Variants in DNAJC6 observed in about 807,000 individuals in gnomAD.
DNAJC6 encodes the protein auxilin.
DNAJC6 carries 34 observed loss-of-function variants against 110.0 expected under a neutral mutation model. That is an observed-to-expected ratio of 0.31 (90% confidence interval 0.24 to 0.41). The LOEUF is 0.41. DNAJC6 is among the 10% of genes least tolerant of loss of function. DNAJC6 has a pLI of 1.00. For synonymous variants in DNAJC6, 406 were observed against 437.2 expected (o/e 0.93, Z 0.89); for missense variants, 1,031 against 1,207.8 (o/e 0.85, Z 2.17).
chr1:65,290,230 T>C (rs546846541), intron 1 of DNAJC6, among the ~76,000 whole-genome samples: 1 of 152,348 alleles, frequency 6.6e-6, no homozygotes, highest in East Asian at 1.9e-4. Flanking sequence ...TTTTTTGTAC[T>C]GATTTGTAGA....
intron 1 of DNAJC6, among the ~76,000 whole-genome samples, chr1:65,345,326 A>G (rs1414220048): frequency 6.6e-6 from 1 of 151,988 alleles, no homozygotes; most frequent in Admixed American, 6.6e-5. Context: ...GTAGGCATGC[A>G]TAGGCAAATA....
At chr1:65,280,503 TAGG>T (rs1653811241) in intron 1 of DNAJC6, among the ~76,000 whole-genome samples, 1 of 152,224 alleles carries the variant, frequency 6.6e-6, no homozygotes, top group South Asian at 2.1e-4. Flanking sequence ...GTTTACGTGT[TAGG>T]AGGATAATTC....
At chr1:65,399,378 C>T (rs977720173) in intron 14 of DNAJC6, among the ~76,000 whole-genome samples, 1 of 152,150 alleles carries the variant, frequency 6.6e-6, no homozygotes, top group African/African-American at 2.4e-5. Context: ...AACAAGGTCT[C>T]CTCCTCATGA....
chr1:65,332,049 T>G (rs1645293634), intron 1 of DNAJC6, among the ~76,000 whole-genome samples: 1 of 152,228 alleles, frequency 6.6e-6, no homozygotes, highest in Admixed American at 6.5e-5. Context: ...ACCTGGGACC[T>G]GGTTCCAGGC....
intron 18 of DNAJC6, among the ~76,000 whole-genome samples, chr1:65,412,024 G>A (rs1646134318): frequency 6.6e-6 from 1 of 152,150 alleles, no homozygotes. Flanking sequence ...AGTAAGGACA[G>A]GCTAAGAGCT....
chr1:65,405,802 G>A, intron 15 of DNAJC6, 68 bp from the exon 16 acceptor site: 1 of 1,522,700 alleles, frequency 6.6e-7, no homozygotes, highest in Non-Finnish European at 8.8e-7. Flanking sequence ...TGCAAACAGT[G>A]TCTTAAGACA....
intron 1 of DNAJC6, chr1:65,265,069 T>C (rs537425921): frequency 4.0e-6 from 3 of 743,764 alleles, no homozygotes; most frequent in Non-Finnish European, 6.5e-6. Context: ...ATTAACATTC[T>C]AGTTATATAA....
upstream of DNAJC6, among the ~76,000 whole-genome samples, chr1:65,305,777 A>G (rs1361441763): frequency 6.6e-6 from 1 of 152,226 alleles, no homozygotes; most frequent in Non-Finnish European, 1.5e-5. Context: ...AGTCATAATG[A>G]TAACAAATCT....
At chr1:65,402,928 C>T (rs1467518507) in intron 15 of DNAJC6, among the ~76,000 whole-genome samples, 1 of 152,068 alleles carries the variant, frequency 6.6e-6, no homozygotes, top group Non-Finnish European at 1.5e-5. Context: ...TCAATAAAAT[C>T]TCATTTATTA....
At chr1:65,346,174 C>T (rs1645435062) in intron 1 of DNAJC6, among the ~76,000 whole-genome samples, 1 of 152,152 alleles carries the variant, frequency 6.6e-6, no homozygotes, top group Non-Finnish European at 1.5e-5. Flanking sequence ...GCATGGCTTA[C>T]TAGAGACTAC....
At chr1:65,276,879 GC>G (rs2101172453) in intron 1 of DNAJC6, among the ~76,000 whole-genome samples, 1 of 152,170 alleles carries the variant, frequency 6.6e-6, no homozygotes, top group South Asian at 2.1e-4. Flanking sequence ...GCTGCCCCTT[GC>G]CTGGCTTTTC....
chr1:65,371,897 T>C (rs1182708156), intron 4 of DNAJC6, among the ~76,000 whole-genome samples: 1 of 152,246 alleles, frequency 6.6e-6, no homozygotes, highest in East Asian at 1.9e-4. Flanking sequence ...ATTCCTTTTT[T>C]ATTTTGTTGG....
intron 1 of DNAJC6, among the ~76,000 whole-genome samples, chr1:65,268,774 T>C (rs1653415793): frequency 6.6e-6 from 1 of 152,206 alleles, no homozygotes; most frequent in Admixed American, 6.5e-5. Flanking sequence ...AAATGATGGC[T>C]TTTGACTAAT....
At chr1:65,285,700 T>C (rs886898915) in intron 1 of DNAJC6, among the ~76,000 whole-genome samples, 1 of 152,028 alleles carries the variant, frequency 6.6e-6, no homozygotes, top group African/African-American at 2.4e-5. Flanking sequence ...TGAGAAAGAG[T>C]CTCATTCCGT....
chr1:65,285,704 A>AT (rs1653994292), intron 1 of DNAJC6, among the ~76,000 whole-genome samples: 1 of 151,952 alleles, frequency 6.6e-6, no homozygotes, highest in Non-Finnish European at 1.5e-5. Flanking sequence ...AAAGAGTCTC[A>AT]TTCCGTCACC....
chr1:65,271,779 A>C (rs571895330), intron 1 of DNAJC6, among the ~76,000 whole-genome samples: 1 of 151,402 alleles, frequency 6.6e-6, no homozygotes, highest in East Asian at 1.9e-4. Context: ...CTGTGGTGGG[A>C]GGATTGCTTG....
chr1:65,398,922 A>T, intron 14 of DNAJC6, 41 bp downstream of exon 14: 1 of 1,601,984 alleles, frequency 6.2e-7, no homozygotes. Context: ...ATATAATTGC[A>T]AAAGCATAAT....
intron 1 of DNAJC6, among the ~76,000 whole-genome samples, chr1:65,330,710 G>A (rs556694142): frequency 1.3e-5 from 2 of 152,226 alleles, no homozygotes; most frequent in East Asian, 3.9e-4. Flanking sequence ...CTCGTGATCC[G>A]CCAGTCTCGG....
intron 1 of DNAJC6, among the ~76,000 whole-genome samples, chr1:65,342,083 G>A (rs1343288456): frequency 6.6e-6 from 1 of 152,158 alleles, no homozygotes; most frequent in Non-Finnish European, 1.5e-5. Flanking sequence ...TTCTCCAGCA[G>A]TGCTTTTGGG....
Sources: allele counts gnomAD v4.1 joint callset (sites outside exome capture counted in the v4.1 genomes callset), GRCh38; gene constraint gnomAD v4.1.1; transcripts MANE v1.5; gene names NCBI Gene and HGNC (gene_info 2026-07-23, HGNC 2026-07-21).